Variants in SRCIN1 observed in about 807,000 individuals in gnomAD.
The protein encoded by SRCIN1 is P130Cas-associated protein.
In SRCIN1, 50 loss-of-function variants were observed where a neutral mutation model predicts 116.2. The observed-to-expected ratio is 0.43, with a 90% CI of 0.34 to 0.54. The LOEUF is 0.54. SRCIN1 is among the 20% of genes least tolerant of loss of function. The pLI, the probability that SRCIN1 is intolerant of heterozygous loss-of-function variation, is 0.02. For missense variants in SRCIN1, 1,446 were observed against 1,672.0 expected, an observed-to-expected ratio of 0.86 and a Z score of 2.36; for synonymous variants, 736 against 750.0, an observed-to-expected ratio of 0.98 and a Z score of 0.30.
intron 1 of SRCIN1, among the ~76,000 whole-genome samples, chr17:38,586,405 C>T (rs1333533311): frequency 6.6e-6 from 1 of 152,216 alleles, no homozygotes; most frequent in Non-Finnish European, 1.5e-5. Flanking sequence ...CCCTCCTCCA[C>T]CTCCCAGCCC....
rs554893304 is a variant in SRCIN1, at chr17:38,595,505, C to T, written c.22+10179G>A. Among the ~76,000 whole-genome samples the T allele has an allele frequency of 4.6e-5, 7 of 152,284 alleles. No individual in the cohort carries two copies. The South Asian group carries it at 1.0e-3, about 23-fold the overall frequency. On this transcript the variant is annotated intron_variant, in intron 1 of 18. Coordinates refer to ENST00000617146, the MANE Select transcript of SRCIN1 (RefSeq NM_025248.3). ...TGCTGGGATTACAGGCGTGAGCCAC[C>T]GCGCCTGGCCTTCAATAAGTCTTTA...
intron 1 of SRCIN1, among the ~76,000 whole-genome samples, chr17:38,589,782 T>C (rs1908342845): frequency 6.6e-6 from 1 of 152,162 alleles, no homozygotes; most frequent in African/African-American, 2.4e-5. Context: ...ATGGGTTAAT[T>C]TCTCTGCCAC....
At chr17:38,537,433 T>A (rs1904455439) in intron 18 of SRCIN1, among the ~76,000 whole-genome samples, 1 of 151,456 alleles carries the variant, frequency 6.6e-6, no homozygotes, top group South Asian at 2.1e-4. Context: ...TTGGAGAGGT[T>A]GAGGCTGCAG....
At chr17:38,598,460 GCACAAGCAGAAA>G (rs1458443744) in intron 1 of SRCIN1, among the ~76,000 whole-genome samples, 3 of 152,140 alleles carry the variant, frequency 2.0e-5, no homozygotes, top group Non-Finnish European at 4.4e-5. Flanking sequence ...CCCCAGCTCT[GCACAAGCAGAAA>G]CAGCTAGGCT....
rs1333746399 is a variant in SRCIN1, at chr17:38,563,723, A to C, written c.542-202T>G. 1.3e-6 allele frequency: 1 copy of C among 741,802 alleles called. No homozygotes were observed. Among genetic ancestry groups the C allele is most frequent in the African/African-American group, 1.7e-5 (1 of 57,432 alleles). The allele number at this position is 741,802 out of a possible 1,614,324, so 46.0% of individuals were successfully genotyped here. On this transcript the variant is annotated intron_variant, in intron 4 of 18. Transcript: ENST00000617146. The surrounding 1 kb of genome is among the most constrained non-coding windows in gnomAD (Gnocchi z 5.8). ...GGCCGGCTCTCCAGCCTCTCAAGGCACCCACTGGACTCCAGGCAGTTGAAG... is the reference window on the plus strand; with the variant it reads ...GGCCGGCTCTCCAGCCTCTCAAGGCCCCCACTGGACTCCAGGCAGTTGAAG...
chr17:38,555,432 T>G (rs1403045453), intron 11 of SRCIN1, among the ~76,000 whole-genome samples: 1 of 152,218 alleles, frequency 6.6e-6, no homozygotes, highest in Non-Finnish European at 1.5e-5. Flanking sequence ...CCTGAATGAC[T>G]GCATGGAGAA....
Position 38,552,420 on chromosome 17 carries a change from G to C in SRCIN1, c.2480+27C>G. 1.3e-6 allele frequency: 2 copies of C among 1,587,116 alleles called. No individual in the cohort carries two copies. Among genetic ancestry groups the C allele is most frequent in the Non-Finnish European group, 1.7e-6 (2 of 1,168,224 alleles). The stretch of plus-strand genomic sequence containing the variant: ...CTGGGCCCGGTGTGTGAACCCATGG[G>C]AAATCAGAGGTCAGGGACAGAATGA... On this transcript the variant is annotated intron_variant, in intron 13 of 18. Transcript: ENST00000617146. The surrounding 1 kb of genome is among the most constrained non-coding windows in gnomAD (Gnocchi z 5.3).
In SRCIN1 at chr17:38,560,667, T is replaced by A. The variant is rs534202442; in HGVS notation, c.1701-242A>T. 1.2e-4 allele frequency among the ~76,000 whole-genome samples: 18 copies of A among 152,330 alleles called. No homozygotes were observed. In the South Asian group the frequency reaches 3.5e-3, roughly 30 times the overall value. On this transcript the variant is annotated intron_variant, in intron 7 of 18. Transcript: ENST00000617146. ...ATGCCTGGCAATGCTTTCCCCTGCC[T>A]GCTCTGCCTTTCTCCTGACCCCTCC...
At position 38,560,082 on chromosome 17, in the gene SRCIN1, G is replaced by A. The variant is rs1261850228; in HGVS notation, c.1809C>T (p.Gly603=). ...CTGAGGGGGTGGCTGCTCCATTGGA[G>A]CCTTCAATCTTCTCGCTGTGGCACA... The part of the protein sequence containing the change: ...EPETPSEKIE[G]SNGAATPSAP... The change falls in exon 9 of 19, where the codon GGC becomes GGT. Residue 603 remains glycine, a synonymous_variant. Coordinates refer to ENST00000617146, the MANE Select transcript of SRCIN1 (RefSeq NM_025248.3). The A allele has an allele frequency of 1.9e-6, 3 of 1,555,132 alleles. No homozygotes were observed. Among genetic ancestry groups the A allele is most frequent in the South Asian group, 1.2e-5 (1 of 84,034 alleles).
chr17:38,551,385 G>T lies in SRCIN1; in HGVS notation c.2732C>A (p.Ala911Glu). ...SVDKAVSVEAAERDWEEKRAA... is the reference protein window; with the variant it reads ...SVDKAVSVEAEERDWEEKRAA... ...CCGCTTCTCCTCCCAGTCTCGCTCTGCAGCCTTAACAGGGAGCCAGGAGTC... is the reference window on the plus strand; with the variant it reads ...CCGCTTCTCCTCCCAGTCTCGCTCTTCAGCCTTAACAGGGAGCCAGGAGTC... Residue 911 changes from alanine (A) to glutamate (E), a missense_variant, in exon 15 of 19, where the codon GCA becomes GAA. Coordinates refer to ENST00000617146, the MANE Select transcript of SRCIN1 (RefSeq NM_025248.3). 1 of 1,607,340 alleles carries T rather than the reference G, an allele frequency of 6.2e-7. No homozygotes were observed. Among genetic ancestry groups the T allele is most frequent in the Non-Finnish European group, 8.5e-7 (1 of 1,176,646 alleles).
At chr17:38,583,650 T>A (rs1907950801) in intron 1 of SRCIN1, among the ~76,000 whole-genome samples, 1 of 146,090 alleles carries the variant, frequency 6.8e-6, no homozygotes, top group East Asian at 2.1e-4. Flanking sequence ...CCACCCGGGC[T>A]CAAGCAATTC....
At chr17:38,586,972 G>A (rs910810134) in intron 1 of SRCIN1, among the ~76,000 whole-genome samples, 3 of 151,974 alleles carry the variant, frequency 2.0e-5, no homozygotes, top group African/African-American at 7.3e-5. Context: ...GCAGATTTGA[G>A]GGGGTCAAGC....
rs1251798884 is a variant in SRCIN1, at chr17:38,563,807, A to G, written c.542-286T>C. On this transcript the variant is annotated intron_variant, in intron 4 of 18. Coordinates refer to ENST00000617146, the MANE Select transcript of SRCIN1 (RefSeq NM_025248.3). This position sits in a 1 kb window ranked among gnomAD's most constrained non-coding sequence, Gnocchi z 5.8. Reference sequence around the variant, plus strand: ...GCAGGTGGGGCGGAAACTGAGGGGAAGTGAGCTGAGGGAGAGAGAGGTTGG... The same window carrying G: ...GCAGGTGGGGCGGAAACTGAGGGGAGGTGAGCTGAGGGAGAGAGAGGTTGG... The G allele has an allele frequency of 6.2e-6, 4 of 642,308 alleles. No homozygotes were observed. Among genetic ancestry groups the G allele is most frequent in the Non-Finnish European group, 1.1e-5 (4 of 361,194 alleles). The allele number at this position is 642,308 out of a possible 1,614,324, so 39.8% of individuals were successfully genotyped here.
rs111682412 is a variant in SRCIN1 at position 38,572,149 on chromosome 17, C to A, written c.325-3918G>T. On this transcript the variant is annotated intron_variant, in intron 2 of 18. Transcript: ENST00000617146. This position sits in a 1 kb window ranked among gnomAD's most constrained non-coding sequence, Gnocchi z 4.3. ...GGCAACCCACGGGTCCACACCGGCT[C>A]CTTAATCCCCTGGCTGTGCTGCACC... Among the ~76,000 whole-genome samples, 3,616 of 152,286 alleles carry A rather than the reference C, an allele frequency of 0.024. 158 individuals carry two copies. The highest frequency in any genetic ancestry group is 0.081 in the African/African-American group (3,385 of 41,540).
At chr17:38,581,390 T>C (rs1167609561) in intron 1 of SRCIN1, among the ~76,000 whole-genome samples, 1 of 137,210 alleles carries the variant, frequency 7.3e-6, no homozygotes, top group East Asian at 2.1e-4. Flanking sequence ...TGGGAGACAG[T>C]GTGAAACTCT....
At chr17:38,548,931 T>A in intron 16 of SRCIN1, 125 bp downstream of exon 16, 2 of 1,292,980 alleles carry the variant, frequency 1.5e-6, no homozygotes, top group Non-Finnish European at 2.1e-6. Context: ...CACCGGCCAC[T>A]CCCTCTTTCC....
Position 38,552,552 on chromosome 17 carries a change from C to T in SRCIN1, c.2375G>A (p.Arg792His), listed in dbSNP as rs766240562. 2.2e-5 allele frequency: 36 copies of T among 1,609,306 alleles called. No individual in the cohort carries two copies. The highest frequency in any genetic ancestry group is 8.4e-5 in the Admixed American group (5 of 59,406). The change falls in exon 13 of 19, where the codon CGC (arginine) becomes CAC (histidine). Residue 792 changes from arginine (R) to histidine (H), a missense_variant. Arg to His is a conservative substitution (Grantham distance 29). Coordinates refer to ENST00000617146, the MANE Select transcript of SRCIN1 (RefSeq NM_025248.3). The surrounding 1 kb of genome is among the most constrained non-coding windows in gnomAD (Gnocchi z 5.3). The part of the protein sequence containing the change: ...GLQSKMRVVL[R>H]VEVEAVKFLK... ...GAACTTCACCGCCTCCACCTCCACG[C>T]GCAGCACCACCCGCATCTTGCTCTG...
At chr17:38,593,011 G>A (rs955072259) in intron 1 of SRCIN1, among the ~76,000 whole-genome samples, 3 of 152,152 alleles carry the variant, frequency 2.0e-5, no homozygotes, top group African/African-American at 7.2e-5. Context: ...TGTCCCTGAA[G>A]GTACTGAGTT....
chr17:38,595,068 A>T (rs1278473111), intron 1 of SRCIN1, among the ~76,000 whole-genome samples: 1 of 152,154 alleles, frequency 6.6e-6, no homozygotes, highest in Non-Finnish European at 1.5e-5. Context: ...GACAGAGGAC[A>T]GGCCCCCACA....
Sources: allele counts gnomAD v4.1 joint callset (sites outside exome capture counted in the v4.1 genomes callset), GRCh38; gene constraint gnomAD v4.1.1; non-coding constraint Gnocchi (gnomAD v3.1); transcripts MANE v1.5; gene names NCBI Gene and HGNC (gene_info 2026-07-23, HGNC 2026-07-21).